The following RASEF variants were observed in gnomAD, a reference collection of about 807,000 sequenced individuals.
RASEF encodes the protein ras and EF-hand domain-containing protein.
In RASEF, 68 loss-of-function variants were observed where a neutral mutation model predicts 90.1. That is an observed-to-expected ratio of 0.75 (90% confidence interval 0.62 to 0.92). RASEF has a LOEUF of 0.92. RASEF is among the 40% of genes least tolerant of loss of function. RASEF has a pLI of 0.00. For missense variants in RASEF, 949 were observed against 937.2 expected (o/e 1.01, Z -0.16); for synonymous variants, 331 against 345.2 (o/e 0.96, Z 0.46).
chr9:83,052,892 C>G (rs924376120), intron 1 of RASEF, among the ~76,000 whole-genome samples: 2 of 148,762 alleles, frequency 1.3e-5, no homozygotes, highest in African/African-American at 5.1e-5. Flanking sequence ...AGTTTGATTG[C>G]ACTGTGGTCA....
At chr9:83,025,628 G>T in intron 2 of RASEF, 147 bp downstream of exon 2, 1 of 635,854 alleles carries the variant, frequency 1.6e-6, no homozygotes, top group Non-Finnish European at 2.6e-6. Flanking sequence ...CTCCATTGCT[G>T]GCTTAATTTT....
chr9:82,991,120 C>G (rs967784653), intron 15 of RASEF, among the ~76,000 whole-genome samples: 9 of 152,102 alleles, frequency 5.9e-5, no homozygotes, highest in African/African-American at 9.7e-5. Context: ...ACTCATCCCC[C>G]ACTCACTCAC....
At chr9:83,055,406 C>A in intron 1 of RASEF, 1 of 536,392 alleles carries the variant, frequency 1.9e-6, no homozygotes, top group Non-Finnish European at 3.4e-6. Context: ...CTTCGGCTCG[C>A]GCACGGTGCG....
At chr9:83,083,482 A>T in the RASEF span, among the ~76,000 whole-genome samples, 1 of 152,218 alleles carries the variant, frequency 6.6e-6, no homozygotes, top group Non-Finnish European at 1.5e-5. Context: ...ATATCTACAA[A>T]ATATTTCAAA....
At chr9:83,092,003 C>CTTTTTTTTTTTT in the RASEF span, among the ~76,000 whole-genome samples, 142 of 35,628 alleles carry the variant, frequency 4.0e-3, 2 homozygotes, top group Non-Finnish European at 4.8e-3. Flanking sequence ...TCTTTTATTT[C>CTTTTTTTTTTTT]TTTTTTTTTT....
At chr9:83,031,651 T>C (rs953585155) in intron 1 of RASEF, among the ~76,000 whole-genome samples, 4 of 152,134 alleles carry the variant, frequency 2.6e-5, no homozygotes, top group Admixed American at 2.6e-4. Flanking sequence ...CATACCTCCA[T>C]TTAGGAAAAT....
the RASEF span, among the ~76,000 whole-genome samples, chr9:83,162,000 G>C: frequency 2.0e-5 from 3 of 151,942 alleles, no homozygotes; most frequent in Non-Finnish European, 4.4e-5. Context: ...AAATTTCCCA[G>C]TCTCAGGTAT....
At chr9:83,095,095 T>C in the RASEF span, among the ~76,000 whole-genome samples, 1 of 152,108 alleles carries the variant, frequency 6.6e-6, no homozygotes, top group Non-Finnish European at 1.5e-5. Context: ...AGATGCTACC[T>C]GGGGAGGAAG....
At chr9:83,177,065 T>G in the RASEF span, among the ~76,000 whole-genome samples, 50 of 152,122 alleles carry the variant, frequency 3.3e-4, no homozygotes, top group Non-Finnish European at 6.2e-4. Context: ...TAGTAAACAT[T>G]GTATTTCTAT....
rs1233770977 is a variant in RASEF, at chr9:83,015,792, G to A, written c.765+13C>T. On this transcript the variant is annotated intron_variant, in intron 4 of 16. Coordinates refer to ENST00000376447, the MANE Select transcript of RASEF (RefSeq NM_152573.4). The stretch of plus-strand genomic sequence containing the variant: ...TGAGGCTGTTCCTACAAGTCCAGCT[G>A]CCACATGCCTACCTTTCTTAGCTTT... 1 of 1,593,290 alleles carries A rather than the reference G, an allele frequency of 6.3e-7. No individual in the cohort carries two copies. Among genetic ancestry groups the A allele is most frequent in the Non-Finnish European group, 8.6e-7 (1 of 1,161,090 alleles).
chr9:83,192,252 A>G, the RASEF span, among the ~76,000 whole-genome samples: 1 of 152,208 alleles, frequency 6.6e-6, no homozygotes, highest in Admixed American at 6.5e-5. Flanking sequence ...AGACACATGC[A>G]TGTGTATATT....
intron 4 of RASEF, among the ~76,000 whole-genome samples, chr9:83,013,934 T>C (rs1181346449): frequency 6.6e-6 from 1 of 152,208 alleles, no homozygotes; most frequent in Non-Finnish European, 1.5e-5. Flanking sequence ...CCGAGGTGCT[T>C]CAGGGAAAAA....
chr9:82,988,259 C>T lies in RASEF; in HGVS notation c.2117+2132G>A, dbSNP rs74764230. ...TTGTTGAGCCAAAATAGCTGGTGTT[C>T]CCTGTGCACCCATAAGTGCGTGGAA... On this transcript the variant is annotated intron_variant, in intron 16 of 16. Transcript: ENST00000376447. Among the ~76,000 whole-genome samples the T allele has an allele frequency of 7.4e-3, 1,123 of 152,312 alleles. 16 individuals are homozygous for T. The highest frequency in any genetic ancestry group is 0.025 in the African/African-American group (1,059 of 41,570).
chr9:83,108,356 C>T, the RASEF span, among the ~76,000 whole-genome samples: 4 of 152,058 alleles, frequency 2.6e-5, no homozygotes, highest in African/African-American at 9.7e-5. Flanking sequence ...GAACTATGGC[C>T]CCCTGGACAA....
chr9:83,125,072 G>A, the RASEF span, among the ~76,000 whole-genome samples: 2 of 152,216 alleles, frequency 1.3e-5, no homozygotes, highest in Non-Finnish European at 2.9e-5. Flanking sequence ...CAGCAAATTG[G>A]CAAATTCTAC....
the RASEF span, among the ~76,000 whole-genome samples, chr9:83,164,347 G>GTGTGTGTATATATATATATATATATATA: frequency 1.5e-5 from 2 of 129,988 alleles, no homozygotes; most frequent in African/African-American, 5.6e-5. Flanking sequence ...GTATATGTGT[G>GTGTGTGTATATATATATATATATATATA]TATATATATA....
the RASEF span, among the ~76,000 whole-genome samples, chr9:83,143,059 T>G: frequency 3.8e-4 from 58 of 152,286 alleles, no homozygotes; most frequent in Admixed American, 8.5e-4. Context: ...TAACAGGTAT[T>G]AAGTGACTGT....
At chr9:83,016,182 G>C (rs780638657) in intron 3 of RASEF, among the ~76,000 whole-genome samples, 1 of 152,172 alleles carries the variant, frequency 6.6e-6, no homozygotes, top group African/African-American at 2.4e-5. Flanking sequence ...TTGTGATAGA[G>C]ACCATAGCAC....
intron 1 of RASEF, chr9:83,048,726 T>C (rs1395160749): frequency 3.0e-6 from 3 of 985,080 alleles, no homozygotes; most frequent in South Asian, 9.4e-5. Flanking sequence ...AGGAGATAAA[T>C]ACACATTGAG....
Sources: gnomAD v4.1 joint callset for allele counts (sites outside exome capture counted in the v4.1 genomes callset) on GRCh38, gnomAD v4.1.1 for gene constraint, MANE v1.5 for transcripts, NCBI Gene and HGNC (gene_info 2026-07-23, HGNC 2026-07-21) for gene names.